The following VPS8 variants were observed in gnomAD, a reference collection of about 807,000 sequenced individuals.
VPS8 encodes the protein VPS8 subunit of CORVET complex, also known as vacuolar protein sorting-associated protein 8 homolog.
Under a neutral mutation model 216.4 loss-of-function variants are expected in VPS8, and 129 were observed. The ratio of observed to expected loss-of-function variants is 0.60; its 90% CI spans 0.52 to 0.69. VPS8 has a LOEUF of 0.69. VPS8 is among the 30% of genes least tolerant of loss of function. The pLI, the probability that VPS8 is intolerant of heterozygous loss-of-function variation, is 0.00. For synonymous variants in VPS8, 571 were observed against 565.4 expected (o/e 1.01, Z -0.14); for missense variants, 1,531 against 1,683.5 (o/e 0.91, Z 1.59).
chr3:184,847,174 GA>G (rs367873295), intron 8 of VPS8, among the ~76,000 whole-genome samples: 1 of 151,906 alleles, frequency 6.6e-6, no homozygotes, highest in African/African-American at 2.4e-5. Context: ...CAAAATGATT[GA>G]AAAAAATAGA....
chr3:184,923,920 C>T (rs1467280861), intron 29 of VPS8, among the ~76,000 whole-genome samples: 4 of 152,144 alleles, frequency 2.6e-5, no homozygotes, highest in Non-Finnish European at 5.9e-5. Context: ...AATTTTCCAC[C>T]GTGCTTCTGT....
At chr3:184,969,318 G>A (rs577335809) in intron 39 of VPS8, among the ~76,000 whole-genome samples, 54 of 149,630 alleles carry the variant, frequency 3.6e-4, no homozygotes, top group African/African-American at 1.3e-3. Context: ...GGGTTTTGCC[G>A]TTTTGGTCAG....
At chr3:184,872,446 A>G (rs1728510908) in intron 21 of VPS8, among the ~76,000 whole-genome samples, 1 of 152,106 alleles carries the variant, frequency 6.6e-6, no homozygotes, top group African/African-American at 2.4e-5. Context: ...ATTCCTGTAG[A>G]TGGTGGTTTC....
intron 45 of VPS8, among the ~76,000 whole-genome samples, chr3:185,015,866 C>T (rs970144265): frequency 7.2e-5 from 11 of 152,076 alleles, no homozygotes; most frequent in East Asian, 1.9e-4. Flanking sequence ...GGAGTTAGTC[C>T]GTGAATTAGT....
intron 43 of VPS8, among the ~76,000 whole-genome samples, chr3:184,995,878 A>T (rs975573158): frequency 6.6e-6 from 1 of 152,212 alleles, no homozygotes; most frequent in African/African-American, 2.4e-5. Context: ...ACTAGTGAAA[A>T]GATATTTGAA....
At chr3:184,983,201 C>G in intron 42 of VPS8, 107 bp downstream of exon 42, 1 of 1,011,926 alleles carries the variant, frequency 9.9e-7, no homozygotes, top group Non-Finnish European at 1.3e-6. Flanking sequence ...AAGCATAATG[C>G]AGCTAATTTT....
intron 21 of VPS8, among the ~76,000 whole-genome samples, chr3:184,878,731 T>G (rs146881783): frequency 1.3e-5 from 2 of 152,268 alleles, no homozygotes; most frequent in African/African-American, 4.8e-5. Flanking sequence ...CTTTCCTAGA[T>G]TATTTTATCA....
chr3:184,902,753 C>CTGAGG (rs1157136532), intron 25 of VPS8, among the ~76,000 whole-genome samples: 1 of 151,668 alleles, frequency 6.6e-6, no homozygotes, highest in Admixed American at 6.6e-5. Context: ...TCGCTTGAAC[C>CTGAGG]CGGGAGGCGG....
At chr3:184,954,757 G>A (rs546513627) in intron 36 of VPS8, among the ~76,000 whole-genome samples, 3 of 152,246 alleles carry the variant, frequency 2.0e-5, no homozygotes, top group East Asian at 3.9e-4. Context: ...CCTAGGTGCC[G>A]AGGCAAGAGA....
intron 42 of VPS8, among the ~76,000 whole-genome samples, chr3:184,988,542 A>G (rs900002401): frequency 2.0e-5 from 3 of 152,152 alleles, no homozygotes; most frequent in Non-Finnish European, 2.9e-5. Context: ...ACCAATACCA[A>G]CACTGTCTTG....
At chr3:184,913,268 T>C (rs1736895197) in intron 25 of VPS8, among the ~76,000 whole-genome samples, 1 of 152,198 alleles carries the variant, frequency 6.6e-6, no homozygotes, top group Non-Finnish European at 1.5e-5. Flanking sequence ...AGGCCAACAG[T>C]ACATAGATCT....
At chr3:184,894,413 C>T (rs1732940402) in intron 22 of VPS8, among the ~76,000 whole-genome samples, 1 of 151,422 alleles carries the variant, frequency 6.6e-6, no homozygotes, top group Non-Finnish European at 1.5e-5. Context: ...TTAGATATGT[C>T]ACTATTAGCA....
intron 45 of VPS8, among the ~76,000 whole-genome samples, chr3:185,010,267 C>CA (rs1187391440): frequency 6.6e-6 from 1 of 152,096 alleles, no homozygotes; most frequent in Non-Finnish European, 1.5e-5. Context: ...TATCGCAGAA[C>CA]AGAGTTTAGC....
At chr3:184,967,961 A>G (rs1375031036) in intron 39 of VPS8, among the ~76,000 whole-genome samples, 2 of 152,118 alleles carry the variant, frequency 1.3e-5, no homozygotes, top group Non-Finnish European at 2.9e-5. Context: ...TTATATAATC[A>G]TTACCCCCAT....
chr3:184,867,425 C>G (rs1439478861), intron 17 of VPS8, among the ~76,000 whole-genome samples: 2 of 152,172 alleles, frequency 1.3e-5, no homozygotes, highest in African/African-American at 4.8e-5. Flanking sequence ...AACATTTCTT[C>G]ATTATTAAAA....
intron 38 of VPS8, among the ~76,000 whole-genome samples, chr3:184,965,235 T>G (rs1747201682): frequency 6.6e-6 from 1 of 152,206 alleles, no homozygotes; most frequent in East Asian, 1.9e-4. Context: ...CCATATTGGC[T>G]TCTCGTTTCT....
rs74839051 is a variant in VPS8, at chr3:184,887,904, A to C, written c.1781+1748A>C. ...GTAAGTTCTGCTTACTTGGGGCTCAAATTTATTCCAGTGTTTTAACTCTAG... is the reference window on the plus strand; with the variant it reads ...GTAAGTTCTGCTTACTTGGGGCTCACATTTATTCCAGTGTTTTAACTCTAG... On this transcript the variant is annotated intron_variant, in intron 22 of 47. Transcript: ENST00000625842. 4.6e-3 allele frequency among the ~76,000 whole-genome samples: 697 copies of C among 152,276 alleles called. 8 individuals carry two copies. Among genetic ancestry groups the C allele is most frequent in the African/African-American group, 0.016 (654 of 41,544 alleles).
chr3:184,931,567 A>G (rs1740688022), intron 34 of VPS8, among the ~76,000 whole-genome samples: 1 of 152,206 alleles, frequency 6.6e-6, no homozygotes, highest in Non-Finnish European at 1.5e-5. Context: ...TAGAAAGATC[A>G]GAGGTGTGAA....
At chr3:184,816,998 C>T (rs1174236272) in intron 1 of VPS8, among the ~76,000 whole-genome samples, 1 of 152,124 alleles carries the variant, frequency 6.6e-6, no homozygotes, top group African/African-American at 2.4e-5. Flanking sequence ...AAGTATGGTA[C>T]ATTTCCACTG....
Sources: gnomAD v4.1 joint callset for allele counts (sites outside exome capture counted in the v4.1 genomes callset) on GRCh38, gnomAD v4.1.1 for gene constraint, MANE v1.5 for transcripts, NCBI Gene and HGNC (gene_info 2026-07-23, HGNC 2026-07-21) for gene names.